Variants in LRP1B observed in about 807,000 individuals in gnomAD.
LRP1B encodes LDL receptor related protein 1B.
Under a neutral mutation model 556.6 loss-of-function variants are expected in LRP1B, and 217 were observed. That is an observed-to-expected ratio of 0.39 (90% confidence interval 0.35 to 0.44). The LOEUF (loss-of-function observed/expected upper bound fraction) is 0.44, where lower values mean the gene tolerates loss of function less well. Among genes scored for constraint, LRP1B ranks in the 20% least tolerant of loss-of-function variants. LRP1B has a pLI of 1.00. For synonymous variants in LRP1B, 2,047 were observed against 1,865.8 expected (o/e 1.10, Z -2.50); for missense variants, 5,053 against 5,620.8 (o/e 0.90, Z 3.23).
intron 20 of LRP1B, among the ~76,000 whole-genome samples, chr2:140,934,977 A>G (rs1468615063): frequency 2.0e-5 from 3 of 152,184 alleles, no homozygotes; most frequent in Non-Finnish European, 4.4e-5. Context: ...AAAGACCTGA[A>G]AAGACCTTAA....
intron 2 of LRP1B, among the ~76,000 whole-genome samples, chr2:141,678,979 G>C (rs1282818199): frequency 6.6e-6 from 1 of 152,054 alleles, no homozygotes; most frequent in Non-Finnish European, 1.5e-5. Flanking sequence ...TCTGAGGTAA[G>C]GTTACCAAAA....
At chr2:140,393,886 T>C (rs185051368) in intron 66 of LRP1B, among the ~76,000 whole-genome samples, 6 of 152,148 alleles carry the variant, frequency 3.9e-5, no homozygotes, top group Admixed American at 3.9e-4. Flanking sequence ...GCATGACCTT[T>C]TATAGAGAAG....
At chr2:140,542,639 C>T (rs1353097089) in intron 43 of LRP1B, among the ~76,000 whole-genome samples, 1 of 152,058 alleles carries the variant, frequency 6.6e-6, no homozygotes, top group African/African-American at 2.4e-5. Context: ...CTGGGTGCAT[C>T]CCATGGCATC....
intron 3 of LRP1B, among the ~76,000 whole-genome samples, chr2:141,424,772 T>C (rs1298625857): frequency 1.3e-5 from 2 of 152,110 alleles, no homozygotes; most frequent in East Asian, 1.9e-4. Context: ...CAGAAACATA[T>C]TGAAATAATA....
chr2:140,630,861 G>A (rs1437915325), intron 41 of LRP1B, among the ~76,000 whole-genome samples: 3 of 152,162 alleles, frequency 2.0e-5, no homozygotes, highest in South Asian at 2.1e-4. Flanking sequence ...TTGGGAAGCT[G>A]AGGAAAACTT....
intron 32 of LRP1B, among the ~76,000 whole-genome samples, chr2:140,811,004 G>A (rs775097193): frequency 5.9e-5 from 9 of 152,008 alleles, no homozygotes; most frequent in Non-Finnish European, 1.3e-4. Context: ...CAAAGTGCTG[G>A]GATTACAGGC....
intron 29 of LRP1B, among the ~76,000 whole-genome samples, chr2:140,844,390 A>G (rs1692212691): frequency 6.6e-6 from 1 of 152,028 alleles, no homozygotes; most frequent in African/African-American, 2.4e-5. Flanking sequence ...TTTATGCTTA[A>G]CATTTTTCTC....
chr2:141,533,586 A>G lies in LRP1B; in HGVS notation c.206-53053T>C, dbSNP rs554456508. On this transcript the variant is annotated intron_variant, in intron 2 of 90. Transcript: ENST00000389484. Reference sequence around the variant, plus strand: ...TAAGTTTACTCTCACCTGAAATTCTAAATTTTAAACAACCTAATATCGGAA... The same window carrying G: ...TAAGTTTACTCTCACCTGAAATTCTGAATTTTAAACAACCTAATATCGGAA... 3.9e-5 allele frequency among the ~76,000 whole-genome samples: 6 copies of G among 152,286 alleles called. No homozygotes were observed. In the East Asian group the frequency reaches 7.7e-4, roughly 20 times the overall value.
rs1574122792 is a variant in LRP1B at position 141,598,405 on chromosome 2, G to T, written c.206-117872C>A. On this transcript the variant is annotated intron_variant, in intron 2 of 90. Coordinates refer to ENST00000389484, the MANE Select transcript of LRP1B (RefSeq NM_018557.3). ...AAGTAAAAATAGGTTGATTATTTTA[G>T]AGCTTGATTAAAAAACTTACAGGTC... Among the ~76,000 whole-genome samples the T allele has an allele frequency of 3.3e-5, 5 of 152,190 alleles. No homozygotes were observed. The Middle Eastern group carries it at 0.017, about 518-fold the overall frequency.
chr2:140,661,214 G>C (rs997326898), intron 41 of LRP1B, among the ~76,000 whole-genome samples: 1 of 152,112 alleles, frequency 6.6e-6, no homozygotes, highest in South Asian at 2.1e-4. Context: ...ACTGGGTAAA[G>C]AGTGCTATTA....
Position 140,939,523 on chromosome 2 carries a change from A to G in LRP1B, c.3136+10712T>C, listed in dbSNP as rs1017985110. 2.0e-5 allele frequency among the ~76,000 whole-genome samples: 3 copies of G among 148,218 alleles called. No individual in the cohort carries two copies. The East Asian group carries it at 5.8e-4, about 29-fold the overall frequency. ...TAATATAAAATTATATTATAAATAT[A>G]TATTTATAATAAATTTAAATTGTAG... On this transcript the variant is annotated intron_variant, in intron 20 of 90. Coordinates refer to ENST00000389484, the MANE Select transcript of LRP1B (RefSeq NM_018557.3).
At chr2:141,913,408 T>C (rs1699955238) in intron 1 of LRP1B, among the ~76,000 whole-genome samples, 1 of 152,154 alleles carries the variant, frequency 6.6e-6, no homozygotes, top group Non-Finnish European at 1.5e-5. Context: ...TAAAAATCTA[T>C]AGGGAGATCC....
intron 1 of LRP1B, among the ~76,000 whole-genome samples, chr2:142,000,515 G>T (rs1438745632): frequency 6.6e-6 from 1 of 152,166 alleles, no homozygotes; most frequent in African/African-American, 2.4e-5. Flanking sequence ...TGAGGATGAT[G>T]AAATCAGCAT....
At chr2:140,885,984 A>G (rs1285925460) in intron 24 of LRP1B, among the ~76,000 whole-genome samples, 154 bp downstream of exon 24, 3 of 152,102 alleles carry the variant, frequency 2.0e-5, no homozygotes, top group Non-Finnish European at 2.9e-5. Flanking sequence ...GTGCTCACAC[A>G]GATGCTCAAT....
chr2:141,090,402 T>C (rs976167152), intron 7 of LRP1B, among the ~76,000 whole-genome samples: 2 of 152,200 alleles, frequency 1.3e-5, no homozygotes, highest in African/African-American at 4.8e-5. Context: ...AGGTATAAAA[T>C]TGAACTTCTT....
intron 41 of LRP1B, among the ~76,000 whole-genome samples, chr2:140,665,052 A>G (rs2105347011): frequency 6.6e-6 from 1 of 152,292 alleles, no homozygotes; most frequent in South Asian, 2.1e-4. Flanking sequence ...TAGAGATTAA[A>G]GCACTTTAGA....
chr2:141,059,244 T>C (rs976967897), intron 8 of LRP1B, among the ~76,000 whole-genome samples, 190 bp from the exon 9 acceptor site: 2 of 151,906 alleles, frequency 1.3e-5, no homozygotes, highest in South Asian at 4.1e-4. Context: ...GAAAACATTA[T>C]GCAGTAGTGT....
chr2:140,580,978 G>GTC (rs1681739522), intron 43 of LRP1B, among the ~76,000 whole-genome samples: 1 of 152,174 alleles, frequency 6.6e-6, no homozygotes, highest in African/African-American at 2.4e-5. Context: ...GTTTATGTCA[G>GTC]TCAGCACGCT....
At chr2:141,529,329 G>A (rs959171961) in intron 2 of LRP1B, among the ~76,000 whole-genome samples, 1 of 152,258 alleles carries the variant, frequency 6.6e-6, no homozygotes, top group East Asian at 1.9e-4. Flanking sequence ...AAACCTAATA[G>A]ATATTTGATG....
Sources: allele counts gnomAD v4.1 joint callset (sites outside exome capture counted in the v4.1 genomes callset), GRCh38; gene constraint gnomAD v4.1.1; transcripts MANE v1.5; gene names NCBI Gene and HGNC (gene_info 2026-07-23, HGNC 2026-07-21).